Variants in FNDC3A observed in about 807,000 individuals in gnomAD.
The protein encoded by FNDC3A is fibronectin type III domain containing 3A.
A neutral mutation model predicts 148.9 loss-of-function variants in FNDC3A; 32 were observed. The observed-to-expected ratio is 0.21, with a 90% CI of 0.16 to 0.29. The LOEUF (loss-of-function observed/expected upper bound fraction) is 0.29, where lower values mean the gene tolerates loss of function less well. Ranked by LOEUF, FNDC3A falls within the 10% of genes least tolerant of loss-of-function variation. The pLI is 1.00. For synonymous variants in FNDC3A, 472 were observed against 473.6 expected, an observed-to-expected ratio of 1.00 and a Z score of 0.04; for missense variants, 1,191 against 1,452.8, an observed-to-expected ratio of 0.82 and a Z score of 2.93.
intron 4 of FNDC3A, among the ~76,000 whole-genome samples, chr13:49,117,571 A>G (rs1881049290): frequency 1.3e-5 from 2 of 152,162 alleles, no homozygotes; most frequent in Non-Finnish European, 2.9e-5. Flanking sequence ...TTCCAAATCT[A>G]TGGATTCAAC....
At chr13:49,124,913 T>C (rs183930982) in intron 4 of FNDC3A, among the ~76,000 whole-genome samples, 13 of 152,308 alleles carry the variant, frequency 8.5e-5, no homozygotes, top group South Asian at 8.3e-4. Flanking sequence ...TAATAACTTA[T>C]CAAGAGAAGT....
intron 11 of FNDC3A, among the ~76,000 whole-genome samples, chr13:49,172,560 G>T (rs190779363): frequency 2.6e-5 from 4 of 152,124 alleles, no homozygotes; most frequent in Non-Finnish European, 5.9e-5. Flanking sequence ...AGCTTCTGTA[G>T]GCTGTCCTCA....
chr13:48,997,085 A>G (rs1299998901), intron 1 of FNDC3A, among the ~76,000 whole-genome samples: 1 of 151,922 alleles, frequency 6.6e-6, no homozygotes, highest in South Asian at 2.1e-4. Context: ...AAAAAAAGAC[A>G]TTGGATATCT....
intron 3 of FNDC3A, among the ~76,000 whole-genome samples, chr13:49,100,436 T>C (rs1344635151): frequency 6.6e-6 from 1 of 152,128 alleles, no homozygotes; most frequent in Non-Finnish European, 1.5e-5. Flanking sequence ...CCTATCCCTC[T>C]TACGCTAAGC....
intron 4 of FNDC3A, among the ~76,000 whole-genome samples, chr13:49,121,872 A>C (rs905011001): frequency 3.9e-5 from 6 of 152,290 alleles, no homozygotes; most frequent in African/African-American, 1.2e-4. Context: ...CTAACAACCA[A>C]AAAAAGCCCA....
chr13:49,100,533 A>G (rs1879797404), intron 3 of FNDC3A, among the ~76,000 whole-genome samples: 1 of 152,192 alleles, frequency 6.6e-6, no homozygotes, highest in South Asian at 2.1e-4. Context: ...GTGGTTTTTC[A>G]TTAAGTTAAA....
intron 3 of FNDC3A, among the ~76,000 whole-genome samples, chr13:49,089,317 GC>G (rs1286041122): frequency 2.0e-5 from 3 of 152,162 alleles, no homozygotes; most frequent in African/African-American, 7.2e-5. Flanking sequence ...TTCTAGGATG[GC>G]CCCCAGTGTT....
intron 4 of FNDC3A, among the ~76,000 whole-genome samples, chr13:49,115,909 A>G (rs1880923336): frequency 6.6e-6 from 1 of 152,202 alleles, no homozygotes; most frequent in African/African-American, 2.4e-5. Context: ...GATAAGATTT[A>G]CTACAGATTT....
At chr13:49,068,114 G>A (rs1019553315) in intron 2 of FNDC3A, among the ~76,000 whole-genome samples, 40 of 151,726 alleles carry the variant, frequency 2.6e-4, no homozygotes, top group African/African-American at 8.7e-4. Flanking sequence ...TGGGCGGATC[G>A]CTTGAGGCCA....
intron 19 of FNDC3A, among the ~76,000 whole-genome samples, chr13:49,193,078 C>T (rs1173402785): frequency 6.7e-6 from 1 of 149,388 alleles, no homozygotes; most frequent in African/African-American, 2.4e-5. Context: ...AGAATCCTTA[C>T]TTCAGTTCTT....
intron 3 of FNDC3A, among the ~76,000 whole-genome samples, chr13:49,081,226 T>G (rs982793153): frequency 3.9e-5 from 6 of 152,198 alleles, no homozygotes; most frequent in Non-Finnish European, 8.8e-5. Context: ...GGGTTTTGCA[T>G]TGTTATGGCA....
At chr13:49,132,405 T>TATTG (rs1437422385) in intron 5 of FNDC3A, among the ~76,000 whole-genome samples, 2 of 152,224 alleles carry the variant, frequency 1.3e-5, no homozygotes, top group Non-Finnish European at 2.9e-5. Flanking sequence ...AACATGCCAC[T>TATTG]ATTGATGTTT....
intron 2 of FNDC3A, among the ~76,000 whole-genome samples, chr13:49,021,697 C>A (rs562470123): frequency 6.6e-6 from 1 of 151,806 alleles, no homozygotes; most frequent in African/African-American, 2.4e-5. Flanking sequence ...TCTAGAGTTC[C>A]AAAAAAAATT....
intron 3 of FNDC3A, among the ~76,000 whole-genome samples, chr13:49,107,837 A>T (rs901370785): frequency 1.3e-5 from 2 of 152,188 alleles, no homozygotes; most frequent in Admixed American, 6.5e-5. Context: ...AAGGCTGAAG[A>T]TACTAAATTT....
intron 3 of FNDC3A, among the ~76,000 whole-genome samples, chr13:49,088,684 T>G (rs1878978472): frequency 6.6e-6 from 1 of 152,006 alleles, no homozygotes. Flanking sequence ...CATTCTCCTG[T>G]TTTTTTTCCA....
At chr13:49,099,062 G>A (rs1388093535) in intron 3 of FNDC3A, among the ~76,000 whole-genome samples, 1 of 152,110 alleles carries the variant, frequency 6.6e-6, no homozygotes, top group Non-Finnish European at 1.5e-5. Flanking sequence ...TTATTAGTAA[G>A]GGGACCTTAT....
intron 2 of FNDC3A, among the ~76,000 whole-genome samples, chr13:49,036,328 A>T (rs2137675083): frequency 6.6e-6 from 1 of 152,316 alleles, no homozygotes; most frequent in East Asian, 1.9e-4. Flanking sequence ...AAAATTACAG[A>T]TTCAGTTTCT....
chr13:49,005,083 A>G (rs905308501), intron 1 of FNDC3A, among the ~76,000 whole-genome samples: 1 of 152,012 alleles, frequency 6.6e-6, no homozygotes, highest in African/African-American at 2.4e-5. Flanking sequence ...CTCATTTTAC[A>G]TTATTGTGGT....
intron 1 of FNDC3A, among the ~76,000 whole-genome samples, chr13:49,001,992 G>A (rs993474809): frequency 7.9e-5 from 12 of 152,046 alleles, no homozygotes; most frequent in Admixed American, 6.5e-5. Context: ...GCGGCTTGGG[G>A]GCATCACAGA....
Sources: allele counts gnomAD v4.1 joint callset (sites outside exome capture counted in the v4.1 genomes callset), GRCh38; gene constraint gnomAD v4.1.1; transcripts MANE v1.5; gene names NCBI Gene and HGNC (gene_info 2026-07-23, HGNC 2026-07-21).